The following STYXL1 variants were observed in gnomAD, a reference collection of about 807,000 sequenced individuals.
The protein encoded by STYXL1 is serine/threonine/tyrosine interacting like 1.
STYXL1 carries 32 observed loss-of-function variants against 36.4 expected under a neutral mutation model. That is an observed-to-expected ratio of 0.88 (90% CI 0.66 to 1.18). The LOEUF is 1.18. STYXL1 is among the 50% of genes most tolerant of loss of function. The pLI, the probability that STYXL1 is intolerant of heterozygous loss-of-function variation, is 0.00. For synonymous variants in STYXL1, 133 were observed against 144.1 expected, an observed-to-expected ratio of 0.92 and a Z score of 0.55; for missense variants, 354 against 394.1, an observed-to-expected ratio of 0.90 and a Z score of 0.86.
At chr7:76,023,077 G>A (rs891367535) in intron 3 of STYXL1, among the ~76,000 whole-genome samples, 36 of 152,280 alleles carry the variant, frequency 2.4e-4, no homozygotes, top group African/African-American at 8.4e-4. Context: ...CAAAGATGCA[G>A]CCGGTTTCCA....
rs984964166 is a variant in STYXL1, at chr7:76,047,793, C to T, written c.-136G>A. ...ACTATGGCCAGGCTCCCTGTCGGAG[C>T]CTCTGCCTGGGGCCCCACCTGGAAA... On this transcript the variant is annotated 5_prime_UTR_variant, in exon 1 of 9. Coordinates refer to ENST00000359697, the MANE Select transcript of STYXL1 (RefSeq NM_001317785.2). 8 of 595,808 alleles carry T rather than the reference C, an allele frequency of 1.3e-5. No individual in the cohort carries two copies. The highest frequency in any genetic ancestry group is 1.9e-5 in the Non-Finnish European group (8 of 415,028). The allele number at this position is 595,808 out of a possible 1,614,324, so 36.9% of individuals were successfully genotyped here.
intron 1 of STYXL1, among the ~76,000 whole-genome samples, chr7:76,046,367 C>A (rs13240396): frequency 0.98 from 142,096 of 144,358 alleles, 69,960 homozygotes; most frequent in Middle Eastern, 1. Context: ...CGCTTTTGAG[C>A]CGGAGTTTAG....
At chr7:76,033,276 G>C (rs1182767279) in intron 1 of STYXL1, among the ~76,000 whole-genome samples, 1 of 100,516 alleles carries the variant, frequency 9.9e-6, no homozygotes, top group East Asian at 2.3e-4. Context: ...CTCCTGAGTA[G>C]CTGGGACTAC....
intron 5 of STYXL1, among the ~76,000 whole-genome samples, chr7:76,010,448 C>T (rs1053259080): frequency 2.6e-5 from 4 of 151,828 alleles, no homozygotes; most frequent in African/African-American, 7.3e-5. Flanking sequence ...GGGCAGGGGA[C>T]GGGTCATGGG....
intron 4 of STYXL1, among the ~76,000 whole-genome samples, chr7:76,016,928 T>C (rs1793442809): frequency 6.6e-6 from 1 of 152,170 alleles, no homozygotes; most frequent in African/African-American, 2.4e-5. Context: ...AAAGGATACC[T>C]GCACCCATAT....
intron 5 of STYXL1, among the ~76,000 whole-genome samples, chr7:76,005,882 AGAGGAGGAGGAG>A (rs1279754103): frequency 1.3e-5 from 1 of 76,664 alleles, no homozygotes; most frequent in Admixed American, 1.5e-4. Flanking sequence ...AGAGGAGGAG[AGAGGAGGAGGAG>A]GAGGAGAGAG....
chr7:76,000,866 G>C, intron 8 of STYXL1, 24 bp downstream of exon 8: 1 of 1,605,480 alleles, frequency 6.2e-7, no homozygotes, highest in East Asian at 2.2e-5. Flanking sequence ...GCCGTGGTGC[G>C]AGCCTGGCCC....
chr7:76,009,012 A>C (rs951865666), intron 5 of STYXL1, among the ~76,000 whole-genome samples: 10 of 151,930 alleles, frequency 6.6e-5, no homozygotes, highest in South Asian at 2.1e-4. Flanking sequence ...AAAAACCAAA[A>C]CAAAACAAAA....
chr7:76,022,033 G>T, intron 3 of STYXL1, 41 bp from the exon 4 acceptor site: 1 of 1,587,706 alleles, frequency 6.3e-7, no homozygotes, highest in African/African-American at 1.4e-5. Context: ...AGGCCTGTTG[G>T]TGGGCAGGTT....
chr7:76,042,631 T>C (rs1309741526), intron 1 of STYXL1, among the ~76,000 whole-genome samples: 1 of 151,736 alleles, frequency 6.6e-6, no homozygotes, highest in Non-Finnish European at 1.5e-5. Context: ...GGTCTCAAAC[T>C]CCTGACCTCA....
At chr7:76,045,176 G>A (rs538959674) in intron 1 of STYXL1, 1 of 152,010 alleles carries the variant, frequency 6.6e-6, no homozygotes, top group East Asian at 1.9e-4. Context: ...AAACCCAGAT[G>A]AGCACAGACT....
In STYXL1 at chr7:76,030,542, T is replaced by A; in HGVS notation, c.-4-15A>T. On this transcript the variant is annotated splice_polypyrimidine_tract_variant and intron_variant, in intron 1 of 8. Coordinates refer to ENST00000359697, the MANE Select transcript of STYXL1 (RefSeq NM_001317785.2). ...CAGGCATCCTGCTGGGAAGAATCAA[T>A]AACACACAAGGGTAACATAACTCTA... is the stretch of plus-strand genomic sequence containing the variant. The A allele has an allele frequency of 2.7e-6, 4 of 1,490,108 alleles. No homozygotes were observed. The highest frequency in any genetic ancestry group is 3.8e-6 in the Non-Finnish European group (4 of 1,066,212). The allele number at this position is 1,490,108 out of a possible 1,614,324, so 92.3% of individuals were successfully genotyped here.
chr7:76,047,272 T>A (rs1797250712), intron 1 of STYXL1, among the ~76,000 whole-genome samples: 1 of 152,058 alleles, frequency 6.6e-6, no homozygotes, highest in African/African-American at 2.4e-5. Context: ...AATAAATAAA[T>A]TCATACATTT....
At chr7:76,000,487 T>C (rs1554566598) in intron 8 of STYXL1, 1 of 458,842 alleles carries the variant, frequency 2.2e-6, no homozygotes, top group Non-Finnish European at 4.4e-6. Context: ...TTTGCTGCGA[T>C]GGGTCCCTGC....
chr7:76,023,427 A>G (rs1794310096), intron 3 of STYXL1, among the ~76,000 whole-genome samples: 1 of 152,096 alleles, frequency 6.6e-6, no homozygotes, highest in Non-Finnish European at 1.5e-5. Flanking sequence ...GCAGTGGTGC[A>G]GTCACCGCTC....
chr7:76,032,054 A>T (rs1795396309), intron 1 of STYXL1, among the ~76,000 whole-genome samples: 1 of 152,188 alleles, frequency 6.6e-6, no homozygotes, highest in Non-Finnish European at 1.5e-5. Flanking sequence ...GGATCACTTG[A>T]TCCCAGGAAT....
At chr7:76,038,949 ATT>A (rs35639363) in intron 1 of STYXL1, among the ~76,000 whole-genome samples, 2 of 127,794 alleles carry the variant, frequency 1.6e-5, no homozygotes, top group Non-Finnish European at 1.5e-5. Context: ...ATCATGCCTA[ATT>A]TTTTTTTTTT....
At chr7:76,017,849 A>C (rs72603744) in intron 4 of STYXL1, among the ~76,000 whole-genome samples, 31,580 of 122,038 alleles carry the variant, frequency 0.26, 4,681 homozygotes, top group Middle Eastern at 0.44. Context: ...CTGGGCAACA[A>C]GAGCAAAACT....
chr7:76,024,948 CAAAAA>C (rs56728505), intron 3 of STYXL1, among the ~76,000 whole-genome samples: 4 of 72,420 alleles, frequency 5.5e-5, no homozygotes, highest in African/African-American at 6.0e-5. Flanking sequence ...GACTCTGTCT[CAAAAA>C]AAAAAAAAAA....
Sources: gnomAD v4.1 joint callset for allele counts (sites outside exome capture counted in the v4.1 genomes callset) on GRCh38, gnomAD v4.1.1 for gene constraint, MANE v1.5 for transcripts, NCBI Gene and HGNC (gene_info 2026-07-23, HGNC 2026-07-21) for gene names.